Variants in ADAD1 observed in about 807,000 individuals in gnomAD.
The protein encoded by ADAD1 is adenosine deaminase domain-containing protein 1.
ADAD1 carries 46 observed loss-of-function variants against 66.8 expected under a neutral mutation model. The observed-to-expected ratio is 0.69, with a 90% confidence interval of 0.54 to 0.88. The LOEUF is 0.88. Among genes scored for constraint, ADAD1 ranks in the 40% least tolerant of loss-of-function variants. The pLI, the probability that ADAD1 is intolerant of heterozygous loss-of-function variation, is 0.00. For missense variants in ADAD1, 617 were observed against 681.8 expected (o/e 0.91, Z 1.06); for synonymous variants, 248 against 229.4 (o/e 1.08, Z -0.73).
rs767774594 is a variant in ADAD1, at chr4:122,429,655, A to G, written c.1647A>G (p.Lys549=). 1.9e-6 allele frequency: 3 copies of G among 1,613,180 alleles called. No homozygotes were observed. Among genetic ancestry groups the G allele is most frequent in the Non-Finnish European group, 2.5e-6 (3 of 1,179,342 alleles). The part of the protein sequence containing the change: ...KCMSASYQEA[K]CKLKSYLQQH... Reference sequence around the variant, plus strand: ...TGTCTGCCTCCTATCAAGAAGCTAAATGTAAGTTGAAATCCTACTTACAAC... The same window carrying G: ...TGTCTGCCTCCTATCAAGAAGCTAAGTGTAAGTTGAAATCCTACTTACAAC... The change falls in exon 13 of 13, where the codon AAA becomes AAG. Residue 549 remains lysine (K), a synonymous_variant. Transcript: ENST00000296513.
At chr4:122,422,121 C>CTTTT (rs10713074) in intron 12 of ADAD1, among the ~76,000 whole-genome samples, 7 of 113,858 alleles carry the variant, frequency 6.1e-5, no homozygotes, top group African/African-American at 1.9e-4. Context: ...CATGAACATC[C>CTTTT]TTTTTTTTTT....
chr4:122,413,411 A>G (rs547108537), intron 10 of ADAD1, among the ~76,000 whole-genome samples: 12 of 152,274 alleles, frequency 7.9e-5, no homozygotes, highest in African/African-American at 2.6e-4. Context: ...AAACAGAACT[A>G]TTTAGATAGA....
chr4:122,382,079 G>A (rs767918919), intron 4 of ADAD1, among the ~76,000 whole-genome samples: 16 of 152,194 alleles, frequency 1.1e-4, no homozygotes, highest in Non-Finnish European at 2.4e-4. Context: ...ATAGATGGTG[G>A]TGGTAATGTA....
At chr4:122,407,844 A>G in intron 7 of ADAD1, 64 bp from the exon 8 acceptor site, 1 of 1,537,712 alleles carries the variant, frequency 6.5e-7, no homozygotes, top group Non-Finnish European at 8.8e-7. Flanking sequence ...AGATAGAGGT[A>G]AGAGGTGAAT....
At chr4:122,410,620 G>A (rs1212668321) in intron 8 of ADAD1, among the ~76,000 whole-genome samples, 3 of 152,118 alleles carry the variant, frequency 2.0e-5, no homozygotes, top group Middle Eastern at 3.4e-3. Context: ...CTCCTCAATC[G>A]TTTTTCATTT....
chr4:122,401,260 A>T (rs1021043887), intron 7 of ADAD1, among the ~76,000 whole-genome samples: 1 of 151,214 alleles, frequency 6.6e-6, no homozygotes, highest in Non-Finnish European at 1.5e-5. Context: ...TGTTGATACA[A>T]AGATCATTCA....
intron 4 of ADAD1, 104 bp from the exon 5 acceptor site, chr4:122,383,695 A>G: frequency 3.9e-6 from 5 of 1,266,254 alleles, no homozygotes; most frequent in Non-Finnish European, 5.4e-6. Context: ...TTTATGAGGT[A>G]GTTTTTGAGA....
chr4:122,421,625 G>A (rs1235571122), intron 12 of ADAD1, among the ~76,000 whole-genome samples: 1 of 151,966 alleles, frequency 6.6e-6, no homozygotes, highest in African/African-American at 2.4e-5. Flanking sequence ...TGACAGTGTA[G>A]GTTACATAGC....
chr4:122,386,644 T>A (rs1183285854), intron 5 of ADAD1, among the ~76,000 whole-genome samples: 1 of 152,244 alleles, frequency 6.6e-6, no homozygotes, highest in African/African-American at 2.4e-5. Flanking sequence ...GCCTAGGTTT[T>A]CTTCTAGGGA....
chr4:122,395,905 G>T (rs1230073940), intron 6 of ADAD1, among the ~76,000 whole-genome samples: 1 of 152,162 alleles, frequency 6.6e-6, no homozygotes, highest in East Asian at 1.9e-4. Context: ...ATTCAGTGGG[G>T]TGCTGGTCAT....
chr4:122,397,410 C>A (rs946371836), intron 7 of ADAD1, among the ~76,000 whole-genome samples: 5 of 152,086 alleles, frequency 3.3e-5, no homozygotes, highest in African/African-American at 1.2e-4. Context: ...AATTTTTTCT[C>A]ATTTCTTAAA....
At chr4:122,415,905 C>A (rs536964746) in intron 11 of ADAD1, among the ~76,000 whole-genome samples, 3 of 152,066 alleles carry the variant, frequency 2.0e-5, no homozygotes, top group Non-Finnish European at 4.4e-5. Context: ...GGCTCCATAA[C>A]GTATGTTTCT....
At chr4:122,382,722 A>T (rs1580732614) in intron 4 of ADAD1, among the ~76,000 whole-genome samples, 2 of 152,262 alleles carry the variant, frequency 1.3e-5, no homozygotes, top group Middle Eastern at 6.8e-3. Flanking sequence ...CCCAGCCAAG[A>T]TGTGTAATAT....
chr4:122,387,670 T>C (rs1308488278), intron 5 of ADAD1, among the ~76,000 whole-genome samples: 1 of 152,108 alleles, frequency 6.6e-6, no homozygotes, highest in African/African-American at 2.4e-5. Flanking sequence ...AATATTATAT[T>C]GGCTTTGGTT....
At chr4:122,407,253 A>G (rs1796257418) in intron 7 of ADAD1, among the ~76,000 whole-genome samples, 1 of 152,186 alleles carries the variant, frequency 6.6e-6, no homozygotes, top group African/African-American at 2.4e-5. Context: ...ATGGGGAAAA[A>G]AAAGAGTGAT....
chr4:122,393,184 ATGGCC>A (rs1191644330), intron 5 of ADAD1, among the ~76,000 whole-genome samples: 1 of 152,082 alleles, frequency 6.6e-6, no homozygotes, highest in Non-Finnish European at 1.5e-5. Flanking sequence ...CCTTAGAAAA[ATGGCC>A]TGGTAAAATA....
chr4:122,381,464 A>T (rs530060886), intron 4 of ADAD1, among the ~76,000 whole-genome samples: 13 of 152,318 alleles, frequency 8.5e-5, no homozygotes, highest in Middle Eastern at 3.4e-3. Context: ...TACTTCCTGT[A>T]TCATAAACAT....
intron 5 of ADAD1, 78 bp downstream of exon 5, chr4:122,384,044 GA>G: frequency 7.7e-7 from 1 of 1,299,930 alleles, no homozygotes; most frequent in Non-Finnish European, 1.0e-6. Flanking sequence ...TTATGTTAAT[GA>G]GAGTTACTTG....
At chr4:122,417,434 G>A (rs149393334) in intron 11 of ADAD1, among the ~76,000 whole-genome samples, 13 of 151,334 alleles carry the variant, frequency 8.6e-5, no homozygotes, top group Non-Finnish European at 1.8e-4. Flanking sequence ...AAAAACCTTA[G>A]CAATATAGAC....
Sources: gnomAD v4.1 joint callset for allele counts (sites outside exome capture counted in the v4.1 genomes callset) on GRCh38, gnomAD v4.1.1 for gene constraint, MANE v1.5 for transcripts, NCBI Gene and HGNC (gene_info 2026-07-23, HGNC 2026-07-21) for gene names.